RAB28: variants seen among roughly 807,000 people sequenced by gnomAD.
RAB28 encodes the protein ras-related protein Rab-28.
In RAB28, 24 loss-of-function variants were observed where a neutral mutation model predicts 31.7. That is an observed-to-expected ratio of 0.76 (90% CI 0.55 to 1.06). RAB28 has a LOEUF of 1.06. Among genes scored for constraint, RAB28 ranks in the 50% least tolerant of loss-of-function variants. The probability of loss-of-function intolerance (pLI) is 0.00; values close to 1 mark genes in which losing one functional copy is unlikely to be tolerated. For missense variants in RAB28, 254 were observed against 258.5 expected, an observed-to-expected ratio of 0.98 and a Z score of 0.12; for synonymous variants, 100 against 90.4, an observed-to-expected ratio of 1.11 and a Z score of -0.60.
At chr4:13,386,392 G>T (rs1470272096) in intron 4 of RAB28, among the ~76,000 whole-genome samples, 2 of 151,390 alleles carry the variant, frequency 1.3e-5, no homozygotes, top group East Asian at 3.9e-4. Context: ...CATCTATAAG[G>T]TATTTAAACA....
intron 3 of RAB28, among the ~76,000 whole-genome samples, chr4:13,471,497 T>A (rs1716118823): frequency 6.6e-6 from 1 of 152,026 alleles, no homozygotes; most frequent in Non-Finnish European, 1.5e-5. Flanking sequence ...TATTATATTA[T>A]CATCCTTTTT....
chr4:13,381,474 T>C lies in RAB28; in HGVS notation c.495+17A>G. The C allele has an allele frequency of 2.6e-6, 4 of 1,524,568 alleles. No individual in the cohort carries two copies. The highest frequency in any genetic ancestry group is 3.6e-6 in the Non-Finnish European group (4 of 1,100,392). 94.4% of individuals were successfully genotyped at this position (1,524,568 alleles called of 1,614,324 possible). ...TAAAAGGAAAACATCACATACAGTA[T>C]TCATTATTTTACTTACAGAGTCTCC... On this transcript the variant is annotated intron_variant, in intron 5 of 6. Coordinates refer to ENST00000330852, the MANE Select transcript of RAB28 (RefSeq NM_001017979.3).
At chr4:13,477,493 T>C (rs778868688) in intron 2 of RAB28, among the ~76,000 whole-genome samples, 23 of 151,648 alleles carry the variant, frequency 1.5e-4, no homozygotes, top group Non-Finnish European at 2.5e-4. Flanking sequence ...TACATTAAAG[T>C]ATATAAAGGA....
At chr4:13,414,588 T>C (rs1352128466) in intron 4 of RAB28, among the ~76,000 whole-genome samples, 1 of 152,196 alleles carries the variant, frequency 6.6e-6, no homozygotes, top group Non-Finnish European at 1.5e-5. Flanking sequence ...ACATATGGGG[T>C]ATTTCCCAAT....
At chr4:13,448,143 G>A (rs932206846) in intron 4 of RAB28, among the ~76,000 whole-genome samples, 2 of 151,890 alleles carry the variant, frequency 1.3e-5, no homozygotes, top group African/African-American at 4.8e-5. Context: ...AATTATTTTG[G>A]CTTTTTTCCA....
At chr4:13,457,416 T>A (rs905918874) in intron 4 of RAB28, among the ~76,000 whole-genome samples, 10 of 152,260 alleles carry the variant, frequency 6.6e-5, no homozygotes, top group African/African-American at 2.2e-4. Context: ...TTTCATTACA[T>A]GATCACATGA....
chr4:13,378,344 C>T (rs1421958514), intron 5 of RAB28, among the ~76,000 whole-genome samples: 3 of 152,098 alleles, frequency 2.0e-5, no homozygotes, highest in Non-Finnish European at 4.4e-5. Context: ...GGGCTGAGTA[C>T]TGACCATTGG....
At chr4:13,387,688 T>C (rs141280878) in intron 4 of RAB28, among the ~76,000 whole-genome samples, 195 of 152,096 alleles carry the variant, frequency 1.3e-3, no homozygotes, top group African/African-American at 4.3e-3. Flanking sequence ...CTGAAGAAAA[T>C]AGCTGTCTGT....
At chr4:13,443,942 C>A (rs957786805) in intron 4 of RAB28, among the ~76,000 whole-genome samples, 1 of 151,948 alleles carries the variant, frequency 6.6e-6, no homozygotes, top group Admixed American at 6.5e-5. Flanking sequence ...CAGTGCTTGT[C>A]GTTCTGTGCC....
chr4:13,370,889 C>G (rs1728688716), intron 6 of RAB28: 1 of 957,748 alleles, frequency 1.0e-6, no homozygotes, highest in South Asian at 4.8e-5. Context: ...TTCTTAATTG[C>G]TGCTACCCTT....
intron 4 of RAB28, among the ~76,000 whole-genome samples, chr4:13,417,846 C>A (rs568903094): frequency 8.5e-5 from 13 of 152,178 alleles, no homozygotes; most frequent in Non-Finnish European, 1.8e-4. Flanking sequence ...TCTTCTCCTG[C>A]AAAGGATTGC....
chr4:13,460,750 C>G lies in RAB28; in HGVS notation c.340G>C (p.Val114Leu), dbSNP rs2108960135. The change falls in exon 4 of 7, where the codon GTG becomes CTG. Residue 114 changes from valine (V) to leucine (L), a missense_variant. Physicochemically the swap from Val to Leu is conservative, Grantham distance 32. Transcript: ENST00000330852. ...LEDWYTVVKK[V>L]SEESETQPLV... ...GGCTGAGTTTCTGACTCCTCGCTCA[C>G]TTTCTTCACCACAGTATACCAATCT... is the stretch of plus-strand genomic sequence containing the variant. 1 of 1,614,094 alleles carries G rather than the reference C, an allele frequency of 6.2e-7. No individual in the cohort carries two copies. The highest frequency in any genetic ancestry group is 1.3e-5 in the African/African-American group (1 of 75,050).
At chr4:13,406,861 A>C (rs181289017) in intron 4 of RAB28, among the ~76,000 whole-genome samples, 2,101 of 152,088 alleles carry the variant, frequency 0.014, 24 homozygotes, top group Middle Eastern at 0.044. Flanking sequence ...TTTTTCTTGT[A>C]AATTTGTTTA....
chr4:13,446,354 G>T (rs1293563133), intron 4 of RAB28, among the ~76,000 whole-genome samples: 1 of 152,164 alleles, frequency 6.6e-6, no homozygotes, highest in African/African-American at 2.4e-5. Flanking sequence ...CCTGGCTTCA[G>T]CCCCCTTTCC....
intron 4 of RAB28, among the ~76,000 whole-genome samples, chr4:13,445,743 G>A (rs1714659662): frequency 6.6e-6 from 1 of 152,186 alleles, no homozygotes; most frequent in Non-Finnish European, 1.5e-5. Context: ...ATCCCAGAGG[G>A]GCATTGACCT....
At chr4:13,439,959 T>C (rs1428492542) in intron 4 of RAB28, among the ~76,000 whole-genome samples, 1 of 152,216 alleles carries the variant, frequency 6.6e-6, no homozygotes, top group Non-Finnish European at 1.5e-5. Flanking sequence ...GCATTATTTA[T>C]ATATTTACAT....
chr4:13,437,125 C>A (rs936130713), intron 4 of RAB28, among the ~76,000 whole-genome samples: 5 of 152,192 alleles, frequency 3.3e-5, no homozygotes, highest in African/African-American at 1.2e-4. Context: ...ATATCCTACT[C>A]AACAAATGGT....
chr4:13,453,659 A>G (rs1007882244), intron 4 of RAB28, among the ~76,000 whole-genome samples: 2 of 151,768 alleles, frequency 1.3e-5, no homozygotes, highest in Non-Finnish European at 2.9e-5. Flanking sequence ...AGGTAATTCC[A>G]TTCTATCCTG....
At chr4:13,398,484 C>A (rs555107698) in intron 4 of RAB28, among the ~76,000 whole-genome samples, 1 of 152,288 alleles carries the variant, frequency 6.6e-6, no homozygotes, top group East Asian at 1.9e-4. Flanking sequence ...ACACAAGCCA[C>A]AGTAAGACTG....
Sources: gnomAD v4.1 joint callset for allele counts (sites outside exome capture counted in the v4.1 genomes callset) on GRCh38, gnomAD v4.1.1 for gene constraint, MANE v1.5 for transcripts, NCBI Gene and HGNC (gene_info 2026-07-23, HGNC 2026-07-21) for gene names.